Variants in GRIP1 observed in about 807,000 individuals in gnomAD.
GRIP1 encodes glutamate receptor-interacting protein 1.
In GRIP1, 45 loss-of-function variants were observed where a neutral mutation model predicts 129.9. That is an observed-to-expected ratio of 0.35 (90% CI 0.27 to 0.44). The LOEUF is 0.44. Ranked by LOEUF, GRIP1 falls within the 20% of genes least tolerant of loss-of-function variation. The pLI is 1.00. For missense variants in GRIP1, 1,196 were observed against 1,396.8 expected (o/e 0.86, Z 2.29); for synonymous variants, 530 against 520.8 (o/e 1.02, Z -0.24).
intron 1 of GRIP1, among the ~76,000 whole-genome samples, chr12:66,649,758 G>A (rs749566929): frequency 5.8e-4 from 88 of 152,234 alleles, no homozygotes; most frequent in Non-Finnish European, 8.5e-4. Flanking sequence ...TCGGATACAC[G>A]GAAATGAGGA....
At chr12:66,650,415 C>A (rs1392506875) in intron 1 of GRIP1, among the ~76,000 whole-genome samples, 1 of 152,136 alleles carries the variant, frequency 6.6e-6, no homozygotes, top group Non-Finnish European at 1.5e-5. Flanking sequence ...TATTCTCAGT[C>A]TGACTCAAGA....
At chr12:66,949,452 A>C (rs918376859) in intron 1 of GRIP1, among the ~76,000 whole-genome samples, 2 of 152,220 alleles carry the variant, frequency 1.3e-5, no homozygotes, top group African/African-American at 4.8e-5. Context: ...GTGAATACAA[A>C]TCTGTGGCTA....
chr12:66,679,006 A>T lies in GRIP1; in HGVS notation c.-102T>A. 1 of 1,591,206 alleles carries T rather than the reference A, an allele frequency of 6.3e-7. No homozygotes were observed. The highest frequency in any genetic ancestry group is 8.6e-7 in the Non-Finnish European group (1 of 1,167,844). ...ATTCCTTGCGCACATACCAGGAGAA[A>T]GGTAGTCCCAGTGGGGAGTGACAAA... On this transcript the variant is annotated 5_prime_UTR_variant, in exon 1 of 25. Coordinates refer to ENST00000359742, the MANE Select transcript of GRIP1 (RefSeq NM_001366722.1).
intron 7 of GRIP1, among the ~76,000 whole-genome samples, chr12:66,499,489 T>A (rs190583533): frequency 2.0e-4 from 30 of 152,332 alleles, no homozygotes; most frequent in Admixed American, 1.5e-3. Flanking sequence ...ACAAATAATA[T>A]CTTTTATGTA....
intron 2 of GRIP1, chr12:66,567,629 C>T (rs1565869348): frequency 4.7e-6 from 1 of 211,626 alleles, no homozygotes; most frequent in Non-Finnish European, 1.0e-5. Flanking sequence ...AACTTCCTAT[C>T]TTCTTCATTA....
chr12:66,506,063 G>A (rs1241727697), intron 7 of GRIP1, among the ~76,000 whole-genome samples: 1 of 152,202 alleles, frequency 6.6e-6, no homozygotes, highest in Non-Finnish European at 1.5e-5. Flanking sequence ...TGGTGAGGAT[G>A]TGAAGGATGT....
At chr12:67,052,793 G>A (rs988896338) in intron 1 of GRIP1, among the ~76,000 whole-genome samples, 4 of 151,342 alleles carry the variant, frequency 2.6e-5, no homozygotes, top group Non-Finnish European at 5.9e-5. Flanking sequence ...AGGGACGGAG[G>A]GAGGGAGGGA....
At chr12:66,767,614 C>T (rs544303405) in intron 1 of GRIP1, among the ~76,000 whole-genome samples, 7 of 149,948 alleles carry the variant, frequency 4.7e-5, no homozygotes, top group South Asian at 2.1e-4. Context: ...TGACTTTTGA[C>T]GGTATTAATA....
intron 1 of GRIP1, among the ~76,000 whole-genome samples, chr12:66,772,509 A>G (rs1339528146): frequency 3.3e-5 from 5 of 152,222 alleles, no homozygotes; most frequent in African/African-American, 1.2e-4. Context: ...ACAGTTGGGC[A>G]TTTTGAAGGA....
At chr12:66,765,023 T>A (rs1256287740) in intron 1 of GRIP1, among the ~76,000 whole-genome samples, 3 of 152,160 alleles carry the variant, frequency 2.0e-5, no homozygotes, top group Non-Finnish European at 4.4e-5. Flanking sequence ...ATAAGAAAGT[T>A]TAGGTATATA....
At chr12:66,890,874 T>C (rs1454355704) in intron 1 of GRIP1, among the ~76,000 whole-genome samples, 2 of 152,224 alleles carry the variant, frequency 1.3e-5, no homozygotes, top group East Asian at 3.8e-4. Flanking sequence ...ACACAGGCTG[T>C]GGATCTTTTA....
At chr12:66,547,563 T>C (rs970816351) in intron 2 of GRIP1, among the ~76,000 whole-genome samples, 1 of 152,190 alleles carries the variant, frequency 6.6e-6, no homozygotes, top group Admixed American at 6.5e-5. Flanking sequence ...AAGTGTGGTT[T>C]GTCTATACCA....
intron 7 of GRIP1, among the ~76,000 whole-genome samples, chr12:66,471,567 C>T (rs879362169): frequency 2.0e-5 from 3 of 152,174 alleles, no homozygotes; most frequent in Non-Finnish European, 4.4e-5. Context: ...AAGAATGACT[C>T]AATTTCCCAG....
intron 23 of GRIP1, among the ~76,000 whole-genome samples, chr12:66,365,814 T>C (rs2055106812): frequency 6.6e-6 from 1 of 152,204 alleles, no homozygotes; most frequent in Non-Finnish European, 1.5e-5. Context: ...GAAGTCTCAC[T>C]GTGTGAGTTT....
rs891793510 is a variant in GRIP1 at position 66,959,510 on chromosome 12, A to G, written c.58+109540T>C. Among the ~76,000 whole-genome samples, 5 of 152,148 alleles carry G rather than the reference A, an allele frequency of 3.3e-5. No homozygotes were observed. The East Asian group carries it at 9.6e-4, about 29-fold the overall frequency. On this transcript the variant is annotated intron_variant, in intron 1 of 1. Coordinates refer to the GRIP1 transcript ENST00000643019. ...CAGGTTTAATTTATGACTCATACAC[A>G]TTTCTGGCTCGGTAGCCACAAATTA...
At chr12:67,026,941 A>C (rs2042949855) in intron 1 of GRIP1, among the ~76,000 whole-genome samples, 4 of 152,114 alleles carry the variant, frequency 2.6e-5, no homozygotes, top group Admixed American at 2.6e-4. Context: ...GTTGTTGTTT[A>C]AAACTGGGTA....
chr12:66,745,908 A>G (rs1377441590), intron 1 of GRIP1, among the ~76,000 whole-genome samples: 4 of 152,198 alleles, frequency 2.6e-5, no homozygotes, highest in East Asian at 3.9e-4. Flanking sequence ...CCCTCTGTTC[A>G]GCAACACCCA....
chr12:66,529,701 G>A (rs937518322), intron 5 of GRIP1, 130 bp downstream of exon 5: 7 of 704,818 alleles, frequency 9.9e-6, no homozygotes, highest in Admixed American at 2.0e-5. Context: ...CTCGGGTCGT[G>A]GGTGCACCAA....
At chr12:67,069,166 G>C (rs559448710), upstream of GRIP1, 3 of 946,556 alleles carry the variant, frequency 3.2e-6, no homozygotes, top group East Asian at 2.3e-4. Flanking sequence ...CTCTTTCTCC[G>C]GGGCTCTCCG....
Sources: allele counts gnomAD v4.1 joint callset (sites outside exome capture counted in the v4.1 genomes callset), GRCh38; gene constraint gnomAD v4.1.1; transcripts MANE v1.5; gene names NCBI Gene and HGNC (gene_info 2026-07-23, HGNC 2026-07-21).